Variants in MAP4 observed in about 807,000 individuals in gnomAD.
MAP4 encodes microtubule-associated protein 4.
In MAP4, 76 loss-of-function variants were observed where a neutral mutation model predicts 170.2. The ratio of observed to expected loss-of-function variants is 0.45; its 90% CI spans 0.37 to 0.54. The LOEUF (loss-of-function observed/expected upper bound fraction) is 0.54, where lower values mean the gene tolerates loss of function less well. Among genes scored for constraint, MAP4 ranks in the 20% least tolerant of loss-of-function variants. The pLI, the probability that MAP4 is intolerant of heterozygous loss-of-function variation, is 0.00. For missense variants in MAP4, 2,506 were observed against 2,748.0 expected (o/e 0.91, Z 1.97); for synonymous variants, 909 against 994.5 (o/e 0.91, Z 1.62).
intron 3 of MAP4, among the ~76,000 whole-genome samples, chr3:47,952,270 C>A (rs1429864758): frequency 1.5e-5 from 2 of 136,076 alleles, no homozygotes; most frequent in Non-Finnish European, 3.2e-5. Flanking sequence ...GGGGGGTCAG[C>A]CCCCCCGCCC....
At chr3:48,044,545 T>A (rs959283720) in intron 1 of MAP4, among the ~76,000 whole-genome samples, 3 of 151,588 alleles carry the variant, frequency 2.0e-5, no homozygotes, top group Non-Finnish European at 4.4e-5. Context: ...GGCAGATCAC[T>A]TGAGGTCAGG....
intron 3 of MAP4, among the ~76,000 whole-genome samples, chr3:47,942,358 G>A (rs567502254): frequency 6.6e-6 from 1 of 152,108 alleles, no homozygotes; most frequent in South Asian, 2.1e-4. Context: ...ACTACTGACA[G>A]TTTTTTTTAA....
intron 1 of MAP4, among the ~76,000 whole-genome samples, chr3:48,061,478 T>C (rs1264171359): frequency 6.6e-6 from 1 of 151,860 alleles, no homozygotes; most frequent in Non-Finnish European, 1.5e-5. Flanking sequence ...GCAGATGGAG[T>C]CTCGTTCACT....
chr3:48,017,217 C>A (rs942913618), upstream of MAP4, among the ~76,000 whole-genome samples: 4 of 152,170 alleles, frequency 2.6e-5, no homozygotes, highest in African/African-American at 9.7e-5. Flanking sequence ...AGCCACAGAA[C>A]ACCAAAAACA....
At chr3:48,010,965 A>G (rs896598243) in intron 1 of MAP4, among the ~76,000 whole-genome samples, 2 of 152,246 alleles carry the variant, frequency 1.3e-5, no homozygotes, top group African/African-American at 4.8e-5. Flanking sequence ...GATCACGTAA[A>G]TCAATACTTA....
intron 1 of MAP4, among the ~76,000 whole-genome samples, chr3:48,025,261 G>A (rs895670097): frequency 2.0e-5 from 3 of 150,524 alleles, no homozygotes; most frequent in African/African-American, 4.9e-5. Flanking sequence ...TTTAGAAAGC[G>A]CTAATTTTAT....
At chr3:47,863,937 T>G (rs6763824) in intron 17 of MAP4, among the ~76,000 whole-genome samples, 10 of 138,474 alleles carry the variant, frequency 7.2e-5, no homozygotes, top group East Asian at 2.1e-4. Flanking sequence ...TGTGTGTGTG[T>G]GGGGAGTGGT....
intron 2 of MAP4, among the ~76,000 whole-genome samples, chr3:47,992,875 G>A (rs2154351000): frequency 6.7e-6 from 1 of 148,784 alleles, no homozygotes; most frequent in South Asian, 2.1e-4. Context: ...CCGCACTCCA[G>A]CCTGGGTGAC....
intron 12 of MAP4, among the ~76,000 whole-genome samples, chr3:47,874,841 C>T (rs943123251): frequency 1.3e-5 from 2 of 152,172 alleles, no homozygotes; most frequent in East Asian, 1.9e-4. Flanking sequence ...GTTTTCTTCA[C>T]CATATTAAAT....
chr3:47,996,652 G>A (rs2100095830), intron 2 of MAP4, among the ~76,000 whole-genome samples: 1 of 151,858 alleles, frequency 6.6e-6, no homozygotes, highest in Non-Finnish European at 1.5e-5. Flanking sequence ...CTAAACCCAA[G>A]AGACATGCCT....
At chr3:47,927,813 T>C (rs2100046939) in intron 4 of MAP4, among the ~76,000 whole-genome samples, 1 of 152,170 alleles carries the variant, frequency 6.6e-6, no homozygotes, top group South Asian at 2.1e-4. Flanking sequence ...GAATCAGCTT[T>C]CTCTTCTGTC....
At chr3:48,038,365 T>A (rs1018751605) in intron 1 of MAP4, among the ~76,000 whole-genome samples, 3 of 152,078 alleles carry the variant, frequency 2.0e-5, no homozygotes, top group African/African-American at 4.8e-5. Context: ...CAAAAAAAAA[T>A]TTATATTATG....
intron 15 of MAP4, among the ~76,000 whole-genome samples, chr3:47,869,752 T>C (rs749935269): frequency 3.3e-5 from 5 of 151,926 alleles, no homozygotes; most frequent in Non-Finnish European, 7.4e-5. Context: ...TGTCAGACTC[T>C]TTAGGTATGT....
intron 1 of MAP4, among the ~76,000 whole-genome samples, chr3:48,035,385 G>T (rs1361240348): frequency 2.6e-5 from 4 of 151,992 alleles, no homozygotes; most frequent in African/African-American, 9.7e-5. Flanking sequence ...TGCAATCCCA[G>T]CACTTTGGGA....
Position 47,877,500 on chromosome 3 carries a change from T to G in MAP4, c.5458A>C (p.Arg1820=). The part of the protein sequence containing the change: ...VYGIARPEEG[R]PVVSGTGNDI... ...TTTCCTGTCCCACTCACCACAGGCC[T>G]TCCTTCTTCTGGCCTGGCTATTCCT... Residue 1820 remains arginine, a synonymous_variant, in exon 11 of 21, where the codon AGG becomes CGG. Transcript: ENST00000683076. The G allele has an allele frequency of 6.2e-7, 1 of 1,613,600 alleles. No homozygotes were observed. Among genetic ancestry groups the G allele is most frequent in the Non-Finnish European group, 8.5e-7 (1 of 1,179,612 alleles).
chr3:47,897,489 C>A (rs547195305), intron 10 of MAP4, among the ~76,000 whole-genome samples: 3 of 152,198 alleles, frequency 2.0e-5, no homozygotes, highest in South Asian at 2.1e-4. Flanking sequence ...TAATTTAATT[C>A]TTTTGTGATC....
chr3:47,896,009 G>C (rs371290767), intron 10 of MAP4, among the ~76,000 whole-genome samples: 78 of 151,998 alleles, frequency 5.1e-4, no homozygotes, highest in Non-Finnish European at 8.7e-4. Context: ...AATCTGGGGT[G>C]GGGGGGCGGT....
intron 3 of MAP4, chr3:47,973,405 T>C (rs1372662903): frequency 1.1e-5 from 11 of 985,296 alleles, no homozygotes; most frequent in Admixed American, 6.1e-5. Flanking sequence ...CAGCATTTCA[T>C]TATGGGACTG....
At chr3:47,925,663 T>C (rs2100045427) in intron 4 of MAP4, among the ~76,000 whole-genome samples, 1 of 152,104 alleles carries the variant, frequency 6.6e-6, no homozygotes, top group South Asian at 2.1e-4. Context: ...ATATAAAATG[T>C]CCAATCTAAG....
Sources: allele counts gnomAD v4.1 joint callset (sites outside exome capture counted in the v4.1 genomes callset), GRCh38; gene constraint gnomAD v4.1.1; transcripts MANE v1.5; gene names NCBI Gene and HGNC (gene_info 2026-07-23, HGNC 2026-07-21).